The following WDPCP variants were observed in gnomAD, a reference collection of about 807,000 sequenced individuals.
WDPCP encodes the protein WD repeat-containing and planar cell polarity effector protein fritz homolog.
WDPCP carries 71 observed loss-of-function variants against 93.1 expected under a neutral mutation model. That is an observed-to-expected ratio of 0.76 (90% CI 0.63 to 0.93). WDPCP has a LOEUF of 0.93. Among genes scored for constraint, WDPCP ranks in the 40% least tolerant of loss-of-function variants. WDPCP has a pLI of 0.00. For synonymous variants in WDPCP, 315 were observed against 315.0 expected (o/e 1.00, Z 0.00); for missense variants, 844 against 887.4 (o/e 0.95, Z 0.62).
intron 2 of WDPCP, among the ~76,000 whole-genome samples, chr2:63,808,870 C>G (rs912367348): frequency 6.6e-6 from 1 of 151,658 alleles, no homozygotes; most frequent in Non-Finnish European, 1.5e-5. Context: ...CGTCTCTGCC[C>G]GGCCGCCATC....
Position 63,292,991 on chromosome 2 carries a change from G to A in WDPCP, c.1812+20257C>T, listed in dbSNP as rs189565517. ...CAGCTGGTGGTCAGCTGTCTGGAAC[G>A]AGGGTGAGCAAAACATAGGGGTTCT... On this transcript the variant is annotated intron_variant, in intron 13 of 17. Coordinates refer to ENST00000272321, the MANE Select transcript of WDPCP (RefSeq NM_015910.7). Among the ~76,000 whole-genome samples, 171 of 152,268 alleles carry A rather than the reference G, an allele frequency of 1.1e-3. 1 individual carries two copies. In the South Asian group the frequency reaches 0.013, roughly 12 times the overall value.
chr2:63,150,165 G>A (rs1215988659), intron 17 of WDPCP, among the ~76,000 whole-genome samples: 1 of 152,170 alleles, frequency 6.6e-6, no homozygotes, highest in Non-Finnish European at 1.5e-5. Context: ...TAATGTTAAT[G>A]ATTTTTCTCT....
At chr2:63,568,614 G>A (rs529321276) in intron 1 of WDPCP, among the ~76,000 whole-genome samples, 24 of 152,288 alleles carry the variant, frequency 1.6e-4, no homozygotes, top group African/African-American at 2.9e-4. Flanking sequence ...AACCTGATGC[G>A]TCCACCCTAC....
At position 63,821,684 on chromosome 2, in the gene WDPCP, C is replaced by A. The variant is rs540048106; in HGVS notation, n.222+5938G>T. 5.9e-5 allele frequency among the ~76,000 whole-genome samples: 9 copies of A among 152,148 alleles called. No homozygotes were observed. In the East Asian group the frequency reaches 1.7e-3, roughly 29 times the overall value. ...TAGTTAGGATGTGGTCACAACAGGCCGTCTATTGCTGTTTCCAATGTTTGA... is the reference window on the plus strand; with the variant it reads ...TAGTTAGGATGTGGTCACAACAGGCAGTCTATTGCTGTTTCCAATGTTTGA... On this transcript the variant is annotated intron_variant and non_coding_transcript_variant, in intron 1 of 4. Coordinates refer to the WDPCP transcript ENST00000467687.
At chr2:63,551,400 T>C (rs1177044414) in intron 1 of WDPCP, among the ~76,000 whole-genome samples, 2 of 152,132 alleles carry the variant, frequency 1.3e-5, no homozygotes, top group Admixed American at 6.5e-5. Flanking sequence ...CTCCTTGAGA[T>C]AGCAAGTTCT....
chr2:63,637,976 T>G (rs1327896250), intron 3 of WDPCP, among the ~76,000 whole-genome samples: 1 of 152,200 alleles, frequency 6.6e-6, no homozygotes, highest in Admixed American at 6.5e-5. Flanking sequence ...TAAAGAGATA[T>G]CTACACTCTC....
intron 2 of WDPCP, among the ~76,000 whole-genome samples, chr2:63,751,051 AT>A (rs1463750893): frequency 1.3e-5 from 2 of 152,078 alleles, no homozygotes; most frequent in African/African-American, 4.8e-5. Context: ...GATTAGTGTT[AT>A]TTCTTCAGTG....
chr2:63,548,892 C>T (rs1705352192), intron 1 of WDPCP, among the ~76,000 whole-genome samples: 1 of 151,976 alleles, frequency 6.6e-6, no homozygotes, highest in South Asian at 2.1e-4. Context: ...TCTAAACAAC[C>T]ATGGGTGAAA....
In WDPCP at chr2:63,552,015, C is replaced by T. The variant is rs144573170; in HGVS notation, c.75+36182G>A. Among the ~76,000 whole-genome samples the T allele has an allele frequency of 1.1e-3, 151 of 139,114 alleles. 2 individuals carry two copies. Among genetic ancestry groups the T allele is most frequent in the African/African-American group, 3.7e-3 (134 of 36,482 alleles). The allele number at this position is 139,114 out of a possible 152,430, so 91.3% of individuals were successfully genotyped here. A position where few individuals can be genotyped will look rare whatever the true frequency, so the allele number is the denominator to read the frequency against. On this transcript the variant is annotated intron_variant, in intron 1 of 17. Coordinates refer to ENST00000272321, the MANE Select transcript of WDPCP (RefSeq NM_015910.7). ...ACTATGTTGCCCAGGCTGGTCTCAA[C>T]TCCTGGGCTCAAGTGATCTTCCTAC...
intron 3 of WDPCP, among the ~76,000 whole-genome samples, chr2:63,611,110 A>G (rs972440216): frequency 6.6e-6 from 1 of 152,176 alleles, no homozygotes; most frequent in Non-Finnish European, 1.5e-5. Context: ...AAAAAACCAT[A>G]AAAGCTATAT....
At chr2:63,197,493 G>A (rs1462567413) in intron 14 of WDPCP, among the ~76,000 whole-genome samples, 1 of 151,976 alleles carries the variant, frequency 6.6e-6, no homozygotes, top group East Asian at 1.9e-4. Context: ...TTTTAAAAGG[G>A]CAATTTGGCA....
chr2:63,339,028 G>A (rs1432922260), intron 12 of WDPCP, among the ~76,000 whole-genome samples: 1 of 151,878 alleles, frequency 6.6e-6, no homozygotes, highest in South Asian at 2.1e-4. Context: ...TATCTATTTT[G>A]TATGTGTGTC....
chr2:63,666,584 G>C (rs1427578688), intron 2 of WDPCP, among the ~76,000 whole-genome samples: 1 of 152,192 alleles, frequency 6.6e-6, no homozygotes, highest in Non-Finnish European at 1.5e-5. Flanking sequence ...GCTGCCTTCA[G>C]GCTGCAAACA....
intron 2 of WDPCP, among the ~76,000 whole-genome samples, chr2:63,745,645 C>CAT (rs1669783691): frequency 1.2e-4 from 1 of 8,570 alleles, no homozygotes; most frequent in Non-Finnish European, 9.4e-4. Flanking sequence ...CACGCACTTA[C>CAT]ACACACACAC....
intron 3 of WDPCP, among the ~76,000 whole-genome samples, chr2:63,650,280 G>A (rs1162764722): frequency 6.6e-6 from 1 of 152,196 alleles, no homozygotes; most frequent in African/African-American, 2.4e-5. Context: ...TCAAACTCAG[G>A]ACACTGTTGG....
intron 14 of WDPCP, among the ~76,000 whole-genome samples, chr2:63,257,845 G>T (rs907461156): frequency 1.2e-4 from 18 of 152,070 alleles, no homozygotes; most frequent in Admixed American, 5.9e-4. Context: ...TGCAAAGATG[G>T]CCCTCATTAT....
chr2:63,456,629 C>T (rs2105708554), intron 6 of WDPCP, among the ~76,000 whole-genome samples: 1 of 152,034 alleles, frequency 6.6e-6, no homozygotes, highest in East Asian at 1.9e-4. Flanking sequence ...ACAAATCAAA[C>T]CCCAAATTAG....
intron 1 of WDPCP, among the ~76,000 whole-genome samples, chr2:63,817,200 C>A (rs926538015): frequency 6.6e-6 from 1 of 151,692 alleles, no homozygotes; most frequent in African/African-American, 2.4e-5. Flanking sequence ...ACCTCTGCTT[C>A]CTAGGTTCAA....
At chr2:63,335,460 G>T (rs6714139) in intron 12 of WDPCP, among the ~76,000 whole-genome samples, 118,307 of 150,852 alleles carry the variant, frequency 0.78, 46,954 homozygotes, top group East Asian at 0.96. Flanking sequence ...TGTAGGCTCT[G>T]TCACCCAGGC....
Sources: allele counts gnomAD v4.1 joint callset (sites outside exome capture counted in the v4.1 genomes callset), GRCh38; gene constraint gnomAD v4.1.1; transcripts MANE v1.5; gene names NCBI Gene and HGNC (gene_info 2026-07-23, HGNC 2026-07-21).